The following NIBAN2 variants were observed in gnomAD, a reference collection of about 807,000 sequenced individuals.
NIBAN2 encodes protein Niban 2.
In NIBAN2, 36 loss-of-function variants were observed where a neutral mutation model predicts 81.8. That is an observed-to-expected ratio of 0.44 (90% CI 0.34 to 0.58). NIBAN2 has a LOEUF of 0.58. NIBAN2 is among the 20% of genes least tolerant of loss of function. NIBAN2 has a pLI of 0.02. For missense variants in NIBAN2, 897 were observed against 1,014.1 expected, an observed-to-expected ratio of 0.88 and a Z score of 1.57; for synonymous variants, 445 against 441.6, an observed-to-expected ratio of 1.01 and a Z score of -0.10.
In NIBAN2 at chr9:127,507,930, T is replaced by A. The variant is rs1588149264; in HGVS notation, c.1591A>T (p.Ile531Phe). The A allele has an allele frequency of 4.3e-6, 7 of 1,614,156 alleles. No homozygotes were observed. In the African/African-American group the frequency reaches 5.3e-5, roughly 12 times the overall value. ...TCCTCGTACGTGTTTTCCACCAGGA[T>A]GAACCTGGCAAAGTCCTCGAAGATC... ...ELIFEDFARF[I>F]LVENTYEEVV... The change falls in exon 13 of 14, where the codon ATC becomes TTC. Residue 531 changes from isoleucine (I) to phenylalanine (F), a missense_variant. By Grantham distance (21) the Ile-to-Phe change is conservative (BLOSUM62 0). Coordinates refer to ENST00000373312, the MANE Select transcript of NIBAN2 (RefSeq NM_022833.4). The surrounding 1 kb of genome is among the most constrained non-coding windows in gnomAD (Gnocchi z 6.8).
intron 5 of NIBAN2, among the ~76,000 whole-genome samples, chr9:127,521,949 G>A (rs1836951328): frequency 6.6e-6 from 1 of 152,232 alleles, no homozygotes; most frequent in Non-Finnish European, 1.5e-5. Context: ...ATGGGGGACT[G>A]AGGTGGCCCT....
upstream of NIBAN2, among the ~76,000 whole-genome samples, chr9:127,573,757 A>G (rs532028122): frequency 6.6e-4 from 101 of 152,266 alleles, no homozygotes; most frequent in African/African-American, 2.3e-3. Flanking sequence ...TTCTGGGTTC[A>G]AGCAATTCTC....
intron 1 of NIBAN2, among the ~76,000 whole-genome samples, chr9:127,534,866 A>G (rs1343084065): frequency 6.6e-6 from 1 of 152,232 alleles, no homozygotes; most frequent in East Asian, 1.9e-4. Flanking sequence ...CGGGGATAAT[A>G]GAGAAAAGAG....
At chr9:127,526,818 C>A (rs1260525398) in intron 3 of NIBAN2, among the ~76,000 whole-genome samples, 10 of 152,128 alleles carry the variant, frequency 6.6e-5, no homozygotes, top group African/African-American at 2.2e-4. Flanking sequence ...CTCTCTGTGG[C>A]TGTCGAGGGT....
chr9:127,513,827 GA>G (rs1185000700), intron 8 of NIBAN2, among the ~76,000 whole-genome samples: 3 of 152,136 alleles, frequency 2.0e-5, no homozygotes, highest in African/African-American at 7.2e-5. Flanking sequence ...GACTCACCTT[GA>G]ATTCTTTCTT....
At chr9:127,516,239 T>C (rs1458927342) in intron 8 of NIBAN2, among the ~76,000 whole-genome samples, 1 of 152,172 alleles carries the variant, frequency 6.6e-6, no homozygotes, top group African/African-American at 2.4e-5. Context: ...AAGGATCCCA[T>C]CTGGCTGGGA....
intron 1 of NIBAN2, among the ~76,000 whole-genome samples, chr9:127,564,383 G>A (rs1030967341): frequency 2.6e-4 from 40 of 151,666 alleles, no homozygotes; most frequent in African/African-American, 9.4e-4. Flanking sequence ...GCAGGTTCAA[G>A]CAGCACTGTG....
intron 2 of NIBAN2, among the ~76,000 whole-genome samples, chr9:127,529,316 G>C (rs1837135219): frequency 1.3e-5 from 2 of 152,322 alleles, no homozygotes; most frequent in South Asian, 4.1e-4. Flanking sequence ...TGGGGCCACG[G>C]GGCTGAGCAA....
At chr9:127,535,009 C>T (rs968391857) in intron 1 of NIBAN2, among the ~76,000 whole-genome samples, 1 of 151,680 alleles carries the variant, frequency 6.6e-6, no homozygotes, top group Non-Finnish European at 1.5e-5. Context: ...CCCAGGAAGC[C>T]AGTGCTGTTG....
Position 127,508,124 on chromosome 9 carries a change from AG to A in NIBAN2, c.1510del (p.Leu504CysfsTer19). 6.2e-7 allele frequency: 1 copy of A among 1,613,634 alleles called. No homozygotes were observed. The highest frequency in any genetic ancestry group is 8.5e-7 in the Non-Finnish European group (1 of 1,180,004). ...GCAGGTAGGGGCCAGCTTCTTGAGC[AG>A]GAACGGGATGCTGATCTGCAGCAGC... The part of the protein sequence containing the change: ...EALLQISIPF[L>X]LKKLAPTCKS... On this transcript the variant is annotated frameshift_variant, in exon 12 of 14. Transcript: ENST00000373312. LOFTEE classifies it high-confidence loss of function. This position sits in a 1 kb window ranked among gnomAD's most constrained non-coding sequence, Gnocchi z 6.4.
At chr9:127,527,164 C>T in intron 3 of NIBAN2, 30 bp downstream of exon 3, 1 of 1,609,108 alleles carries the variant, frequency 6.2e-7, no homozygotes, top group African/African-American at 1.3e-5. Context: ...AGCGGGGAGG[C>T]TCAGTGTGGC....
At chr9:127,548,859 G>A (rs1454641870) in intron 1 of NIBAN2, among the ~76,000 whole-genome samples, 1 of 152,130 alleles carries the variant, frequency 6.6e-6, no homozygotes, top group African/African-American at 2.4e-5. Context: ...ACGCCCTATT[G>A]CCAAGCAGAG....
chr9:127,560,308 G>A (rs557568259), intron 1 of NIBAN2, among the ~76,000 whole-genome samples: 4 of 151,928 alleles, frequency 2.6e-5, no homozygotes, highest in Non-Finnish European at 5.9e-5. Context: ...GCCTGGCCAC[G>A]CCACCCACCC....
intron 1 of NIBAN2, among the ~76,000 whole-genome samples, chr9:127,546,220 C>T (rs1837469130): frequency 6.6e-6 from 1 of 152,244 alleles, no homozygotes; most frequent in Non-Finnish European, 1.5e-5. Context: ...GGCCTTCATT[C>T]CTTTCTTGTC....
Position 127,508,355 on chromosome 9 carries a change from G to A in NIBAN2, c.1434+67C>T. 1 of 1,435,414 alleles carries A rather than the reference G, an allele frequency of 7.0e-7. No homozygotes were observed. Among genetic ancestry groups the A allele is most frequent in the South Asian group, 1.1e-5 (1 of 87,466 alleles). The allele number at this position is 1,435,414 out of a possible 1,614,324, so 88.9% of individuals were successfully genotyped here. On this transcript the variant is annotated intron_variant, in intron 11 of 13. Transcript: ENST00000373312. This position sits in a 1 kb window ranked among gnomAD's most constrained non-coding sequence, Gnocchi z 6.4. ...TGCAGGGACAGCAATCCTGGTGGTG[G>A]CCGGGGATGAGGCTCGGGGCTCGGC... is the stretch of plus-strand genomic sequence containing the variant.
At chr9:127,524,136 C>A (rs1441044466) in intron 4 of NIBAN2, among the ~76,000 whole-genome samples, 1 of 152,206 alleles carries the variant, frequency 6.6e-6, no homozygotes, top group Non-Finnish European at 1.5e-5. Flanking sequence ...CTGTAAAGCA[C>A]AAACAACACA....
intron 1 of NIBAN2, among the ~76,000 whole-genome samples, chr9:127,552,684 GT>G (rs919155330): frequency 1.5e-3 from 146 of 98,010 alleles, no homozygotes; most frequent in African/African-American, 4.1e-3. Context: ...TGGAATATTC[GT>G]TTTTTTTTTT....
At chr9:127,514,021 C>A (rs1433541374) in intron 8 of NIBAN2, among the ~76,000 whole-genome samples, 1 of 152,158 alleles carries the variant, frequency 6.6e-6, no homozygotes, top group Admixed American at 6.5e-5. Context: ...GTAATCCCAG[C>A]ACTTTGGGAG....
intron 1 of NIBAN2, among the ~76,000 whole-genome samples, chr9:127,537,181 C>T (rs1039012060): frequency 2.6e-5 from 4 of 152,156 alleles, no homozygotes; most frequent in Non-Finnish European, 1.5e-5. Context: ...GACCAGAGTC[C>T]CCGCCCTGCC....
Sources: allele counts gnomAD v4.1 joint callset (sites outside exome capture counted in the v4.1 genomes callset), GRCh38; gene constraint gnomAD v4.1.1; non-coding constraint Gnocchi (gnomAD v3.1); transcripts MANE v1.5; gene names NCBI Gene and HGNC (gene_info 2026-07-23, HGNC 2026-07-21).